The following CUX2 variants were observed in gnomAD, a reference collection of about 807,000 sequenced individuals.
CUX2 encodes the protein cut like homeobox 2, also known as homeobox protein cut-like 2.
A neutral mutation model predicts 144.8 loss-of-function variants in CUX2; 40 were observed. That is an observed-to-expected ratio of 0.28 (90% CI 0.21 to 0.36). CUX2 has a LOEUF of 0.36. Among genes scored for constraint, CUX2 ranks in the 10% least tolerant of loss-of-function variants. The pLI is 1.00. For missense variants in CUX2, 1,615 were observed against 1,994.0 expected (o/e 0.81, Z 3.62); for synonymous variants, 827 against 875.6 (o/e 0.94, Z 0.98).
intron 1 of CUX2, among the ~76,000 whole-genome samples, chr12:111,162,809 G>A (rs1003558658): frequency 5.3e-5 from 8 of 152,172 alleles, no homozygotes; most frequent in Non-Finnish European, 1.0e-4. Context: ...ACTTTGGGAG[G>A]CCAAGGCAGG....
At chr12:111,198,722 C>A (rs1245106692) in intron 1 of CUX2, among the ~76,000 whole-genome samples, 1 of 152,198 alleles carries the variant, frequency 6.6e-6, no homozygotes, top group Non-Finnish European at 1.5e-5. Flanking sequence ...GAGGGCCCTG[C>A]TGAGAAGGTG....
chr12:111,243,863 G>A (rs1823632056), intron 3 of CUX2, among the ~76,000 whole-genome samples: 1 of 152,130 alleles, frequency 6.6e-6, no homozygotes, highest in Admixed American at 6.5e-5. Flanking sequence ...TAAGCTCCCT[G>A]TCCATCCCTT....
intron 3 of CUX2, among the ~76,000 whole-genome samples, chr12:111,238,578 G>A (rs77161819): frequency 0.011 from 1,617 of 152,306 alleles, 34 homozygotes; most frequent in African/African-American, 0.037. Context: ...GACAAGATTT[G>A]AACCCAGGCA....
At chr12:111,265,024 A>T (rs905383375) in intron 4 of CUX2, among the ~76,000 whole-genome samples, 2 of 152,190 alleles carry the variant, frequency 1.3e-5, no homozygotes, top group African/African-American at 4.8e-5. Flanking sequence ...GAACATCAAG[A>T]ATGTACTAAA....
At chr12:111,102,185 G>A (rs1389778980) in intron 1 of CUX2, among the ~76,000 whole-genome samples, 1 of 152,210 alleles carries the variant, frequency 6.6e-6, no homozygotes. Flanking sequence ...TGGGGTGGGT[G>A]TCCTGCGTGG....
At chr12:111,331,842 C>T (rs529180158) in intron 18 of CUX2, among the ~76,000 whole-genome samples, 29 of 151,984 alleles carry the variant, frequency 1.9e-4, no homozygotes, top group South Asian at 6.3e-4. Context: ...ACTTTGGGGG[C>T]GCCGAGGAGG....
chr12:111,049,173 TCATC>T (rs564705991), intron 1 of CUX2, among the ~76,000 whole-genome samples: 25 of 151,510 alleles, frequency 1.7e-4, no homozygotes, highest in Admixed American at 7.2e-4. Flanking sequence ...ATTCATGAAT[TCATC>T]CATCCATCCA....
At chr12:111,213,075 C>A (rs570188058) in intron 1 of CUX2, among the ~76,000 whole-genome samples, 2 of 152,154 alleles carry the variant, frequency 1.3e-5, no homozygotes, top group South Asian at 2.1e-4. Flanking sequence ...AATACACTCC[C>A]GCATCTGCGT....
intron 1 of CUX2, among the ~76,000 whole-genome samples, chr12:111,140,582 A>T (rs1453260634): frequency 6.6e-6 from 1 of 152,154 alleles, no homozygotes; most frequent in Non-Finnish European, 1.5e-5. Flanking sequence ...CATCCACTAG[A>T]TGTTCTCCAT....
chr12:111,164,824 A>C (rs1475150665), intron 1 of CUX2, among the ~76,000 whole-genome samples: 1 of 152,142 alleles, frequency 6.6e-6, no homozygotes, highest in Non-Finnish European at 1.5e-5. Flanking sequence ...AGTGTGGTCC[A>C]CAGTAGAACT....
intron 19 of CUX2, among the ~76,000 whole-genome samples, chr12:111,336,424 T>TTGTGTGTGTGTGTGTGTGTGTGTGTGTG (rs57009074): frequency 6.8e-6 from 1 of 146,026 alleles, no homozygotes; most frequent in African/African-American, 2.5e-5. Context: ...CACTTCAGTG[T>TTGTGTGTGTGTGTGTGTGTGTGTGTGTG]TGTGTGTGTG....
rs1026116909 is a variant in CUX2 at position 111,186,450 on chromosome 12, G to A, written c.64-27750G>A. 4.6e-5 allele frequency among the ~76,000 whole-genome samples: 7 copies of A among 152,194 alleles called. No homozygotes were observed. Among genetic ancestry groups the A allele is most frequent in the African/African-American group, 1.7e-4 (7 of 41,436 alleles). ...AGCTGAGACCCGAAGCATAAACTAG[G>A]CGGGGAACAGGGGAGCGGGAAGGGC... On this transcript the variant is annotated intron_variant, in intron 1 of 21. Coordinates refer to ENST00000261726, the MANE Select transcript of CUX2 (RefSeq NM_015267.4). The surrounding 1 kb of genome is among the most constrained non-coding windows in gnomAD (Gnocchi z 4.4).
chr12:111,320,501 C>T lies in CUX2; in HGVS notation c.2492C>T (p.Pro831Leu), dbSNP rs1316325911. ...GRAWPRGDEA[P>L]VPPEDEAAAG... ...GCCTGGCCCCGCGGGGACGAGGCCCCTGTGCCCCCCGAGGACGAGGCGGCG... is the reference window on the plus strand; with the variant it reads ...GCCTGGCCCCGCGGGGACGAGGCCCTTGTGCCCCCCGAGGACGAGGCGGCG... Residue 831 changes from proline (P) to leucine (L), a missense_variant, in exon 17 of 22, where the codon CCT becomes CTT. Around this residue, in one of 12 missense-constraint regions of CUX2, gnomAD observed 390 missense variants for 387.1 expected, o/e 1.01. Coordinates refer to ENST00000261726, the MANE Select transcript of CUX2 (RefSeq NM_015267.4). The surrounding 1 kb of genome is among the most constrained non-coding windows in gnomAD (Gnocchi z 8.1). 8.8e-6 allele frequency: 14 copies of T among 1,582,406 alleles called. No homozygotes were observed. In the African/African-American group the frequency reaches 1.6e-4, roughly 18 times the overall value.
intron 9 of CUX2, among the ~76,000 whole-genome samples, chr12:111,302,465 G>A (rs1318271175): frequency 1.3e-5 from 2 of 152,168 alleles, no homozygotes; most frequent in Admixed American, 6.5e-5. Context: ...ACCGAGGCTG[G>A]GGAGATGAAG....
intron 4 of CUX2, among the ~76,000 whole-genome samples, chr12:111,280,162 G>A (rs1054031740): frequency 3.3e-5 from 5 of 152,020 alleles, no homozygotes; most frequent in East Asian, 1.9e-4. Context: ...CGTGGCTTAC[G>A]CCTGTAATCT....
chr12:111,167,946 T>C (rs111593392), intron 1 of CUX2, among the ~76,000 whole-genome samples: 8,636 of 152,154 alleles, frequency 0.057, 824 homozygotes, highest in African/African-American at 0.2. Context: ...CACCCACCTC[T>C]GCCTCCCAAA....
chr12:111,295,372 G>C lies in CUX2; in HGVS notation c.600G>C (p.Leu200=), dbSNP rs200159605. The change falls in exon 7 of 22, where the codon CTG becomes CTC. Residue 200 remains leucine, a synonymous_variant. Transcript: ENST00000261726. The surrounding 1 kb of genome is among the most constrained non-coding windows in gnomAD (Gnocchi z 5.0). ...TACAGATCACTTTGGCGGCCAGACTGGGGGAGGCAGAGGAGAAAATCAAAG... is the reference window on the plus strand; with the variant it reads ...TACAGATCACTTTGGCGGCCAGACTCGGGGAGGCAGAGGAGAAAATCAAAG... ...QEVQITLAAR[L]GEAEEKIKVL... 8.1e-6 allele frequency: 13 copies of C among 1,612,638 alleles called. No individual in the cohort carries two copies. The highest frequency in any genetic ancestry group is 1.6e-4 in the Middle Eastern group (1 of 6,082).
chr12:111,105,478 G>T (rs1312023602), intron 1 of CUX2, among the ~76,000 whole-genome samples: 2 of 150,268 alleles, frequency 1.3e-5, no homozygotes, highest in Non-Finnish European at 1.5e-5. Flanking sequence ...TGGGAAGCTG[G>T]AAAGCTCTGT....
At chr12:111,138,367 G>A (rs1439798396) in intron 1 of CUX2, among the ~76,000 whole-genome samples, 2 of 152,214 alleles carry the variant, frequency 1.3e-5, no homozygotes, top group South Asian at 2.1e-4. Context: ...TCATGTGGGG[G>A]TGGGGAGAGA....
Sources: allele counts gnomAD v4.1 joint callset (sites outside exome capture counted in the v4.1 genomes callset), GRCh38; gene constraint gnomAD v4.1.1; regional missense constraint gnomAD v4.1.1; non-coding constraint Gnocchi (gnomAD v3.1); transcripts MANE v1.5; gene names NCBI Gene and HGNC (gene_info 2026-07-23, HGNC 2026-07-21).